The following ZFHX3 variants were observed in gnomAD, a reference collection of about 807,000 sequenced individuals.
The protein encoded by ZFHX3 is zinc finger homeobox 3, also known as zinc finger homeobox protein 3.
Under a neutral mutation model 279.1 loss-of-function variants are expected in ZFHX3, and 42 were observed. That is an observed-to-expected ratio of 0.15 (90% confidence interval 0.12 to 0.19). ZFHX3 has a LOEUF of 0.19. ZFHX3 is among the 10% of genes least tolerant of loss of function. The probability of loss-of-function intolerance (pLI) is 1.00; values close to 1 mark genes in which losing one functional copy is unlikely to be tolerated. For synonymous variants in ZFHX3, 2,293 were observed against 1,957.8 expected (o/e 1.17, Z -4.52); for missense variants, 4,981 against 4,754.0 (o/e 1.05, Z -1.40).
chr16:73,547,102 C>G (rs1001339590), intron 2 of ZFHX3, among the ~76,000 whole-genome samples: 2 of 152,224 alleles, frequency 1.3e-5, no homozygotes, highest in Admixed American at 6.5e-5. Flanking sequence ...AAAAAGAAAT[C>G]TCTCCATCCT....
chr16:72,957,819 G>T lies in ZFHX3; in HGVS notation c.2327C>A (p.Ala776Glu). Residue 776 changes from alanine (A) to glutamate (E), a missense_variant, in exon 2 of 10, where the codon GCG becomes GAG. Around this residue, in one of 7 missense-constraint regions of ZFHX3, gnomAD observed 1,751 missense variants for 1,770.0 expected, o/e 0.99. Transcript: ENST00000268489. Reference sequence around the variant, plus strand: ...GGCTGCCGCCGCCGCCGCAGCCACCGCCGCCGCCGCCGCCCCGGCAGTGTG... The same window carrying T: ...GGCTGCCGCCGCCGCCGCAGCCACCTCCGCCGCCGCCGCCCCGGCAGTGTG... ...FSHTAGAAAA[A>E]VAAAAAAANI... 6.5e-7 allele frequency: 1 copy of T among 1,542,904 alleles called. No homozygotes were observed. Among genetic ancestry groups the T allele is most frequent in the Non-Finnish European group, 8.9e-7 (1 of 1,120,114 alleles).
chr16:73,053,119 A>G (rs1313460334), upstream of ZFHX3, among the ~76,000 whole-genome samples: 1 of 152,122 alleles, frequency 6.6e-6, no homozygotes, highest in Non-Finnish European at 1.5e-5. Context: ...CCATCATTCT[A>G]TTAGAGGAAA....
At chr16:73,486,962 C>G in intron 2 of ZFHX3, 1 of 427,686 alleles carries the variant, frequency 2.3e-6, no homozygotes, top group Non-Finnish European at 4.7e-6. Flanking sequence ...GTATTTATAT[C>G]TTAGGTATAT....
At chr16:73,783,957 G>A (rs1402039557) in intron 1 of ZFHX3, among the ~76,000 whole-genome samples, 1 of 152,114 alleles carries the variant, frequency 6.6e-6, no homozygotes, top group East Asian at 1.9e-4. Flanking sequence ...ACAGGAACCT[G>A]TCAAACCCTG....
intron 1 of ZFHX3, among the ~76,000 whole-genome samples, chr16:73,735,547 T>G (rs1314445447): frequency 1.3e-5 from 2 of 152,044 alleles, no homozygotes; most frequent in African/African-American, 4.8e-5. Flanking sequence ...AACACAGCCC[T>G]CTCTCACTCT....
At chr16:73,534,844 A>G (rs913373178) in intron 2 of ZFHX3, among the ~76,000 whole-genome samples, 1 of 152,184 alleles carries the variant, frequency 6.6e-6, no homozygotes, top group Non-Finnish European at 1.5e-5. Context: ...CTTTGTACAT[A>G]AGGAAACCTT....
chr16:72,787,444 T>A lies in ZFHX3; in HGVS notation c.10832A>T (p.His3611Leu), dbSNP rs1385611265. Reference protein sequence around the residue: ...SAAAPSSASPHASRKSWPQVV... With the variant: ...SAAAPSSASPLASRKSWPQVV... ...TTGCGGCCAAGACTTCCTGGAGGCGTGGGGGGAAGCGGAGGAGGGGGCGGC... is the reference window on the plus strand; with the variant it reads ...TTGCGGCCAAGACTTCCTGGAGGCGAGGGGGGAAGCGGAGGAGGGGGCGGC... Residue 3611 changes from histidine (H) to leucine (L), a missense_variant, in exon 10 of 10, where the codon CAC becomes CTC. His to Leu is a moderately conservative substitution (Grantham distance 99, BLOSUM62 -3). Transcript: ENST00000268489. 10 of 1,059,736 alleles carry A rather than the reference T, an allele frequency of 9.4e-6. No homozygotes were observed. The Admixed American group carries it at 2.0e-4, about 22-fold the overall frequency. The allele number at this position is 1,059,736 out of a possible 1,614,324, so 65.6% of individuals were successfully genotyped here.
intron 7 of ZFHX3, among the ~76,000 whole-genome samples, chr16:73,105,352 T>TAC (rs1188802241): frequency 0.011 from 1,087 of 102,354 alleles, 27 homozygotes; most frequent in African/African-American, 0.064. Flanking sequence ...TATATATATA[T>TAC]ACACATATAT....
chr16:73,254,269 G>A (rs1227458956), intron 5 of ZFHX3, among the ~76,000 whole-genome samples: 1 of 152,118 alleles, frequency 6.6e-6, no homozygotes, highest in Non-Finnish European at 1.5e-5. Context: ...CCTTTCACAG[G>A]TGTTGGACTT....
At chr16:73,343,695 G>A (rs62052289) in intron 3 of ZFHX3, among the ~76,000 whole-genome samples, 14,909 of 152,160 alleles carry the variant, frequency 0.098, 973 homozygotes, top group Middle Eastern at 0.18. Flanking sequence ...CTCCAGCCTG[G>A]GCAACAGAGT....
At position 72,794,780 on chromosome 16, in the gene ZFHX3, T is replaced by C; in HGVS notation, c.7902A>G (p.Gly2634=). The C allele has an allele frequency of 6.2e-7, 1 of 1,614,212 alleles. No individual in the cohort carries two copies. The highest frequency in any genetic ancestry group is 8.5e-7 in the Non-Finnish European group (1 of 1,180,044). ...ASPGENDSGT[G]GEEPQRDKRL... is the part of the protein sequence containing the mutation. The stretch of plus-strand genomic sequence containing the variant: ...GCTTGTCTCTCTGAGGCTCTTCTCC[T>C]CCTGTCCCACTGTCGTTTTCGCCAG... The change falls in exon 9 of 10, where the codon GGA becomes GGG. Residue 2634 remains glycine, a synonymous_variant. Coordinates refer to ENST00000268489, the MANE Select transcript of ZFHX3 (RefSeq NM_006885.4). This position sits in a 1 kb window ranked among gnomAD's most constrained non-coding sequence, Gnocchi z 4.2.
intron 1 of ZFHX3, among the ~76,000 whole-genome samples, chr16:73,817,926 C>G (rs1023389386): frequency 6.6e-6 from 1 of 152,186 alleles, no homozygotes; most frequent in African/African-American, 2.4e-5. Context: ...GGTTACCATT[C>G]AACCACGGCC....
chr16:73,558,709 C>CTTTTTTTTTTTTTTTTTTTTT (rs989644068), intron 2 of ZFHX3, among the ~76,000 whole-genome samples: 1 of 90,480 alleles, frequency 1.1e-5, no homozygotes, highest in Non-Finnish European at 2.1e-5. Context: ...GAAAATGACT[C>CTTTTTTTTTTTTTTTTTTTTT]TTTTTTTTTT....
intron 1 of ZFHX3, chr16:73,891,572 G>A (rs962294988): frequency 1.2e-4 from 18 of 152,230 alleles, no homozygotes; most frequent in African/African-American, 3.9e-4. Context: ...AGGGGGCATG[G>A]AGAGAGAGAA....
At chr16:73,427,108 A>C (rs2017823694) in intron 3 of ZFHX3, among the ~76,000 whole-genome samples, 1 of 147,296 alleles carries the variant, frequency 6.8e-6, no homozygotes, top group Admixed American at 6.7e-5. Flanking sequence ...AAAGCAAAAA[A>C]AGAGGAGAAG....
chr16:73,478,326 A>G (rs770805136), intron 2 of ZFHX3, among the ~76,000 whole-genome samples: 16 of 151,978 alleles, frequency 1.1e-4, no homozygotes, highest in Non-Finnish European at 2.4e-4. Flanking sequence ...ATGCCTGAAC[A>G]GGGACTTGAA....
intron 2 of ZFHX3, among the ~76,000 whole-genome samples, chr16:73,465,701 T>C (rs1486558637): frequency 1.3e-5 from 2 of 152,144 alleles, no homozygotes; most frequent in African/African-American, 4.8e-5. Context: ...GCTTACGTCT[T>C]CCCCCTACCT....
At chr16:73,126,143 A>T (rs780097701) in intron 7 of ZFHX3, among the ~76,000 whole-genome samples, 7 of 152,180 alleles carry the variant, frequency 4.6e-5, no homozygotes, top group African/African-American at 7.2e-5. Flanking sequence ...AAGGACCAGA[A>T]TGATGGGTGG....
intron 8 of ZFHX3, among the ~76,000 whole-genome samples, chr16:73,089,802 A>G (rs1161862849): frequency 6.6e-6 from 1 of 152,210 alleles, no homozygotes; most frequent in Non-Finnish European, 1.5e-5. Context: ...GCAAGATTTG[A>G]AGATTCCCCT....
Sources: gnomAD v4.1 joint callset for allele counts (sites outside exome capture counted in the v4.1 genomes callset) on GRCh38, gnomAD v4.1.1 for gene constraint, gnomAD v4.1.1 regional missense constraint, Gnocchi (gnomAD v3.1) non-coding constraint, MANE v1.5 for transcripts, NCBI Gene and HGNC (gene_info 2026-07-23, HGNC 2026-07-21) for gene names.